The following TNRC6A variants were observed in gnomAD, a reference collection of about 807,000 sequenced individuals.
TNRC6A encodes trinucleotide repeat-containing gene 6A protein.
In TNRC6A, 44 loss-of-function variants were observed where a neutral mutation model predicts 221.2. That is an observed-to-expected ratio of 0.20 (90% CI 0.16 to 0.26). The LOEUF (loss-of-function observed/expected upper bound fraction) is 0.26. Among genes scored for constraint, TNRC6A ranks in the 10% least tolerant of loss-of-function variants. The probability of loss-of-function intolerance (pLI) is 1.00; values close to 1 mark genes in which losing one functional copy is unlikely to be tolerated. For missense variants in TNRC6A, 2,199 were observed against 2,404.4 expected (o/e 0.91, Z 1.79); for synonymous variants, 847 against 838.5 (o/e 1.01, Z -0.18).
chr16:24,736,213 A>G (rs2056763737), intron 2 of TNRC6A, among the ~76,000 whole-genome samples: 1 of 152,190 alleles, frequency 6.6e-6, no homozygotes, highest in African/African-American at 2.4e-5. Context: ...AATTGGAAAA[A>G]TGTTGCAACT....
intron 1 of TNRC6A, among the ~76,000 whole-genome samples, chr16:24,622,349 G>A (rs1167371539): frequency 5.3e-5 from 8 of 152,060 alleles, no homozygotes; most frequent in Non-Finnish European, 7.4e-5. Flanking sequence ...ACCTGTAATC[G>A]TGGCACTTTG....
intron 2 of TNRC6A, among the ~76,000 whole-genome samples, chr16:24,711,560 C>T (rs537637386): frequency 6.6e-6 from 1 of 152,216 alleles, no homozygotes; most frequent in Admixed American, 6.5e-5. Flanking sequence ...ATTTTCTAGA[C>T]TTTTGTATAA....
intron 2 of TNRC6A, among the ~76,000 whole-genome samples, chr16:24,696,469 G>A (rs983002824): frequency 2.0e-5 from 3 of 151,754 alleles, no homozygotes; most frequent in Non-Finnish European, 4.4e-5. Flanking sequence ...AGCAGCTTAC[G>A]CCTGTAATCC....
rs191565608 is a variant in TNRC6A, at chr16:24,759,601, C to G, written c.163+1241C>G. Reference sequence around the variant, plus strand: ...ATAGGCCTGGAGATAGAGGGAGCCACAGGGCTTCATGCTGGTTAAGCCAGC... The same window carrying G: ...ATAGGCCTGGAGATAGAGGGAGCCAGAGGGCTTCATGCTGGTTAAGCCAGC... On this transcript the variant is annotated intron_variant, in intron 4 of 24. Transcript: ENST00000395799. Among the ~76,000 whole-genome samples the G allele has an allele frequency of 4.9e-4, 74 of 152,202 alleles. No homozygotes were observed. In the East Asian group the frequency reaches 9.1e-3, roughly 19 times the overall value.
chr16:24,696,732 A>G (rs868485184), intron 2 of TNRC6A, among the ~76,000 whole-genome samples: 4 of 143,542 alleles, frequency 2.8e-5, no homozygotes, highest in African/African-American at 1.1e-4. Flanking sequence ...CTGTCTCAAA[A>G]AAAAAAAAAA....
chr16:24,723,420 C>G (rs1476551341), intron 2 of TNRC6A, among the ~76,000 whole-genome samples: 1 of 152,024 alleles, frequency 6.6e-6, no homozygotes, highest in Non-Finnish European at 1.5e-5. Flanking sequence ...ATGGTGAAAC[C>G]CTGTCTCTAC....
chr16:24,701,866 T>C (rs2055984410), intron 2 of TNRC6A, among the ~76,000 whole-genome samples: 1 of 152,200 alleles, frequency 6.6e-6, no homozygotes, highest in African/African-American at 2.4e-5. Context: ...ACTGGACTCC[T>C]TCCAAGGTTA....
intron 2 of TNRC6A, among the ~76,000 whole-genome samples, chr16:24,720,490 A>G (rs1013045242): frequency 6.6e-6 from 1 of 151,678 alleles, no homozygotes; most frequent in African/African-American, 2.4e-5. Flanking sequence ...GGAGTTCGAG[A>G]CCAGCCTGGC....
At position 24,815,778 on chromosome 16, in the gene TNRC6A, G is replaced by A. The variant is rs376550062; in HGVS notation, c.4831+473G>A. 51 of 169,836 alleles carry A rather than the reference G, an allele frequency of 3.0e-4. No homozygotes were observed. In the East Asian group the frequency reaches 6.8e-3, roughly 23 times the overall value. 10.5% of individuals were successfully genotyped at this position (169,836 alleles called of 1,614,324 possible). ...TGAGGCAGGAGAATGGCGTGAACCC[G>A]GGAGGCAGAGCTTGCAGTGAGCCGA... On this transcript the variant is annotated intron_variant, in intron 19 of 24. Coordinates refer to ENST00000395799, the MANE Select transcript of TNRC6A (RefSeq NM_014494.4).
At chr16:24,632,205 A>G (rs1901382735) in intron 1 of TNRC6A, among the ~76,000 whole-genome samples, 1 of 152,130 alleles carries the variant, frequency 6.6e-6, no homozygotes, top group African/African-American at 2.4e-5. Flanking sequence ...AGCTGACAAC[A>G]CACTTCTCGT....
Position 24,791,388 on chromosome 16 carries a change from C to G in TNRC6A, c.2746C>G (p.Pro916Ala), listed in dbSNP as rs2058096806. Residue 916 changes from proline to alanine, a missense_variant, in exon 6 of 25, where the codon CCT (proline) becomes GCT (alanine). Physicochemically the swap from Pro to Ala is conservative, Grantham distance 27 (BLOSUM62 -1). This residue lies in a region of TNRC6A where 1,405 missense variants were observed against 1,400.2 expected (regional missense o/e 1.00). Coordinates refer to ENST00000395799, the MANE Select transcript of TNRC6A (RefSeq NM_014494.4). ...ATCAGGATGGGATGAATCTTCTAAACCTACTCCTTCCCAGGGATGGGGAGA... is the reference window on the plus strand; with the variant it reads ...ATCAGGATGGGATGAATCTTCTAAAGCTACTCCTTCCCAGGGATGGGGAGA... ...NSSGWDESSKPTPSQGWGDPP... is the reference protein window; with the variant it reads ...NSSGWDESSKATPSQGWGDPP... The G allele has an allele frequency of 6.3e-7, 1 of 1,575,254 alleles. No homozygotes were observed. The highest frequency in any genetic ancestry group is 1.8e-5 in the Admixed American group (1 of 55,920).
At chr16:24,713,509 C>G (rs1260372881) in intron 2 of TNRC6A, among the ~76,000 whole-genome samples, 1 of 152,022 alleles carries the variant, frequency 6.6e-6, no homozygotes, top group Non-Finnish European at 1.5e-5. Flanking sequence ...ATATGTTGCT[C>G]TATTGTTTAC....
chr16:24,674,125 C>A (rs80237910), intron 2 of TNRC6A, among the ~76,000 whole-genome samples: 2,403 of 152,104 alleles, frequency 0.016, 23 homozygotes, highest in Non-Finnish European at 0.025. Flanking sequence ...GGCTGGAATA[C>A]GGTGGTGTGA....
chr16:24,741,325 G>A (rs775137983), intron 2 of TNRC6A, among the ~76,000 whole-genome samples: 2 of 152,120 alleles, frequency 1.3e-5, no homozygotes, highest in African/African-American at 4.8e-5. Context: ...TTCCTGTTTT[G>A]AGTGTTTTTG....
At chr16:24,734,345 G>A (rs895962069) in intron 2 of TNRC6A, among the ~76,000 whole-genome samples, 2 of 152,194 alleles carry the variant, frequency 1.3e-5, no homozygotes, top group Non-Finnish European at 2.9e-5. Flanking sequence ...ACAAGTCAGA[G>A]CAGAAATAGG....
At chr16:24,652,667 A>T (rs1248987158) in intron 2 of TNRC6A, among the ~76,000 whole-genome samples, 1 of 152,182 alleles carries the variant, frequency 6.6e-6, no homozygotes, top group Admixed American at 6.6e-5. Context: ...AGTGGTAATT[A>T]TTAGGCAACT....
Position 24,797,565 on chromosome 16 carries a change from T to C in TNRC6A, c.3637T>C (p.Phe1213Leu). 3.7e-6 allele frequency: 6 copies of C among 1,609,878 alleles called. No individual in the cohort carries two copies. Among genetic ancestry groups the C allele is most frequent in the Non-Finnish European group, 4.2e-6 (5 of 1,178,172 alleles). Residue 1213 changes from phenylalanine (F) to leucine (L), a missense_variant, in exon 10 of 25, where the codon TTT becomes CTT. By Grantham distance (22) the Phe-to-Leu change is conservative. Transcript: ENST00000395799. ...PFVKQFSNIS[F>L]SRDSPEENVQ... ...TGTTAAACAGTTTTCAAACATCAGT[T>C]TTTCGGTAAGTATGTTTTCTTAGCA...
At chr16:24,774,314 TAATC>T in intron 4 of TNRC6A, among the ~76,000 whole-genome samples, 1 of 152,336 alleles carries the variant, frequency 6.6e-6, no homozygotes, top group East Asian at 1.9e-4. Context: ...CTTCATGTAA[TAATC>T]AGTAGTTACA....
chr16:24,771,037 G>T (rs2057579279), intron 4 of TNRC6A, among the ~76,000 whole-genome samples: 1 of 152,204 alleles, frequency 6.6e-6, no homozygotes, highest in Non-Finnish European at 1.5e-5. Context: ...AGGCGCATAT[G>T]TGATAATCCA....
Sources: gnomAD v4.1 joint callset for allele counts (sites outside exome capture counted in the v4.1 genomes callset) on GRCh38, gnomAD v4.1.1 for gene constraint, gnomAD v4.1.1 regional missense constraint, MANE v1.5 for transcripts, NCBI Gene and HGNC (gene_info 2026-07-23, HGNC 2026-07-21) for gene names.